SLC12A7: variants seen among roughly 807,000 people sequenced by gnomAD.
SLC12A7 encodes the protein solute carrier family 12 member 7, also known as K-Cl cotransporter 4.
A neutral mutation model predicts 120.6 loss-of-function variants in SLC12A7; 100 were observed. The ratio of observed to expected loss-of-function variants is 0.83; its 90% CI spans 0.71 to 0.98. The LOEUF (loss-of-function observed/expected upper bound fraction) is 0.98. Among genes scored for constraint, SLC12A7 ranks in the 50% least tolerant of loss-of-function variants. The pLI is 0.00. For synonymous variants in SLC12A7, 760 were observed against 678.0 expected, an observed-to-expected ratio of 1.12 and a Z score of -1.88; for missense variants, 1,373 against 1,548.1, an observed-to-expected ratio of 0.89 and a Z score of 1.90.
intron 17 of SLC12A7, among the ~76,000 whole-genome samples, chr5:1,070,189 CAG>C (rs1737566131): frequency 2.1e-4 from 1 of 4,730 alleles, no homozygotes; most frequent in Admixed American, 1.7e-3. Context: ...AGTGAGCCCC[CAG>C]TGAGCCCCCA....
At chr5:1,056,296 G>A (rs1429021409) in intron 22 of SLC12A7, among the ~76,000 whole-genome samples, 8 of 152,204 alleles carry the variant, frequency 5.3e-5, no homozygotes, top group South Asian at 2.1e-4. Context: ...ACTCCGGAGC[G>A]GCTCGGACAC....
At chr5:1,096,850 GAGGGAGGGAGGGATGA>G (rs1741290006) in intron 1 of SLC12A7, among the ~76,000 whole-genome samples, 2 of 108,988 alleles carry the variant, frequency 1.8e-5, no homozygotes, top group African/African-American at 6.9e-5. Flanking sequence ...GGGAGGGAAG[GAGGGAGGGAGGGATGA>G]AGGGAGGGAG....
In SLC12A7 at chr5:1,100,060, C is replaced by T. The variant is rs542349935; in HGVS notation, c.125-5812G>A. Among the ~76,000 whole-genome samples, 20 of 152,330 alleles carry T rather than the reference C, an allele frequency of 1.3e-4. No individual in the cohort carries two copies. The East Asian group carries it at 2.7e-3, about 21-fold the overall frequency. On this transcript the variant is annotated intron_variant, in intron 1 of 23. Transcript: ENST00000264930. ...AAGAAGAAGGCATGGCATTTCAACC[C>T]TCTCCTCCTACCCGGCCGGGCTGGG...
chr5:1,129,572 C>A, the SLC12A7 span, among the ~76,000 whole-genome samples: 1 of 152,084 alleles, frequency 6.6e-6, no homozygotes, highest in Non-Finnish European at 1.5e-5. Flanking sequence ...GGGTGGAGGG[C>A]GGCTCCAGGA....
chr5:1,145,720 C>G, the SLC12A7 span, among the ~76,000 whole-genome samples: 1 of 152,116 alleles, frequency 6.6e-6, no homozygotes, highest in Admixed American at 6.5e-5. This position sits in a 1 kb window ranked among gnomAD's most constrained non-coding sequence, Gnocchi z 4.4. Context: ...TCAAACTGGC[C>G]TCCTCTCAGA....
the SLC12A7 span, among the ~76,000 whole-genome samples, chr5:1,122,703 G>A: frequency 2.0e-3 from 308 of 152,218 alleles, 2 homozygotes; most frequent in African/African-American, 6.4e-3. Flanking sequence ...AGGGCCCCGC[G>A]GCATGACGTC....
upstream of SLC12A7, among the ~76,000 whole-genome samples, chr5:1,113,525 C>T (rs1430032567): frequency 6.6e-6 from 1 of 152,192 alleles, no homozygotes; most frequent in East Asian, 1.9e-4. Context: ...CCATCCAGCA[C>T]CAGCCCTTGC....
intron 1 of SLC12A7, among the ~76,000 whole-genome samples, 163 bp from the exon 2 acceptor site, chr5:1,094,411 ATC>A (rs1444711268): frequency 1.3e-5 from 2 of 152,284 alleles, no homozygotes; most frequent in African/African-American, 4.8e-5. Context: ...CCTTCCACAC[ATC>A]TGTGTTCCAA....
chr5:1,120,637 C>G, the SLC12A7 span, among the ~76,000 whole-genome samples: 1 of 152,242 alleles, frequency 6.6e-6, no homozygotes, highest in East Asian at 1.9e-4. Flanking sequence ...CACACAAAGG[C>G]CTTCCTGGGA....
the SLC12A7 span, among the ~76,000 whole-genome samples, chr5:1,126,749 T>TG: frequency 6.6e-6 from 1 of 152,244 alleles, no homozygotes; most frequent in Non-Finnish European, 1.5e-5. Context: ...TTTAGTTTTC[T>TG]GTCGAACTAA....
chr5:1,136,754 C>T, the SLC12A7 span, among the ~76,000 whole-genome samples: 12 of 143,954 alleles, frequency 8.3e-5, no homozygotes, highest in Admixed American at 4.1e-4. Context: ...CACCAGGACA[C>T]GCAGGCACAC....
the SLC12A7 span, among the ~76,000 whole-genome samples, chr5:1,131,547 G>A: frequency 0.17 from 26,453 of 152,166 alleles, 2,551 homozygotes; most frequent in Middle Eastern, 0.21. Context: ...GGCATGCTCC[G>A]GGCAACCTGC....
intron 9 of SLC12A7, among the ~76,000 whole-genome samples, chr5:1,080,323 C>T (rs957821817): frequency 1.2e-4 from 7 of 58,414 alleles, no homozygotes; most frequent in South Asian, 7.0e-4. Context: ...TCTGCCCCCA[C>T]GCCCTCCACC....
intron 8 of SLC12A7, 47 bp from the exon 9 acceptor site, chr5:1,081,791 G>A: frequency 6.4e-7 from 1 of 1,572,862 alleles, no homozygotes; most frequent in African/African-American, 1.3e-5. Flanking sequence ...CTTCTGTGCA[G>A]TGCCCCCGCC....
At position 1,081,302 on chromosome 5, in the gene SLC12A7, T is replaced by C. The variant is rs368631219; in HGVS notation, c.1297+275A>G. 2.2e-4 allele frequency among the ~76,000 whole-genome samples: 34 copies of C among 152,136 alleles called. 1 individual carries two copies. In the East Asian group the frequency reaches 5.0e-3, roughly 23 times the overall value. ...TGGGGAGACCCCCGTCTACAAAAAA[T>C]ACAGACATTAACCGGGCGTGGTACC... On this transcript the variant is annotated intron_variant, in intron 9 of 23. Transcript: ENST00000264930.
In SLC12A7 at chr5:1,063,876, G is replaced by A. The variant is rs755311022; in HGVS notation, c.2707C>T (p.Arg903Cys). ...KDLQMFLYHL[R>C]ISAEVEVVEM... ...ACCACCTCCACCTCGGCGCTGATGC[G>A]CAAGTGGTACAAGAACATCTGCAGG... Residue 903 changes from arginine to cysteine, a missense_variant, in exon 20 of 24, where the codon CGC becomes TGC. Arg to Cys is a radical substitution (Grantham distance 180). Transcript: ENST00000264930. 1.9e-6 allele frequency: 3 copies of A among 1,610,128 alleles called. No homozygotes were observed. The highest frequency in any genetic ancestry group is 2.5e-6 in the Non-Finnish European group (3 of 1,179,192).
At chr5:1,152,589 G>GACCCCCAAGC in the SLC12A7 span, among the ~76,000 whole-genome samples, 19,728 of 146,002 alleles carry the variant, frequency 0.14, 2,098 homozygotes, top group South Asian at 0.24. Context: ...AGAGAAGGGA[G>GACCCCCAAGC]TCCCCCAAGC....
chr5:1,134,737 C>T, the SLC12A7 span, among the ~76,000 whole-genome samples: 1 of 152,128 alleles, frequency 6.6e-6, no homozygotes, highest in Non-Finnish European at 1.5e-5. Flanking sequence ...AGCAGCACTA[C>T]CCACAACAGC....
chr5:1,089,062 G>T lies in SLC12A7; in HGVS notation c.409C>A (p.Leu137Ile). ...PCLQNILGVI[L>I]FLRLTWIVGV... The stretch of plus-strand genomic sequence containing the variant: ...ACGATCCACGTCAGGCGCAGGAAGA[G>T]GATGACGCCCAGGATGTTCTGCAGG... The change falls in exon 4 of 24, where the codon CTC becomes ATC. Residue 137 changes from leucine (L) to isoleucine (I), a missense_variant. Leu to Ile is a conservative substitution (Grantham distance 5). Coordinates refer to ENST00000264930, the MANE Select transcript of SLC12A7 (RefSeq NM_006598.3). The T allele has an allele frequency of 1.2e-6, 2 of 1,613,062 alleles. No individual in the cohort carries two copies. Among genetic ancestry groups the T allele is most frequent in the Non-Finnish European group, 1.7e-6 (2 of 1,179,984 alleles).
Sources: allele counts gnomAD v4.1 joint callset (sites outside exome capture counted in the v4.1 genomes callset), GRCh38; gene constraint gnomAD v4.1.1; non-coding constraint Gnocchi (gnomAD v3.1); transcripts MANE v1.5; gene names NCBI Gene and HGNC (gene_info 2026-07-23, HGNC 2026-07-21).